The following LEF1 variants were observed in gnomAD, a reference collection of about 807,000 sequenced individuals.
LEF1 encodes the protein lymphoid enhancer binding factor 1.
LEF1 carries 14 observed loss-of-function variants against 51.2 expected under a neutral mutation model. That is an observed-to-expected ratio of 0.27 (90% confidence interval 0.18 to 0.43). The LOEUF is 0.43. Among genes scored for constraint, LEF1 ranks in the 20% least tolerant of loss-of-function variants. The pLI, the probability that LEF1 is intolerant of heterozygous loss-of-function variation, is 1.00. For missense variants in LEF1, 386 were observed against 512.0 expected (o/e 0.75, Z 2.37); for synonymous variants, 185 against 183.2 (o/e 1.01, Z -0.08).
chr4:108,097,165 T>C (rs144534120), intron 3 of LEF1, among the ~76,000 whole-genome samples: 32 of 152,326 alleles, frequency 2.1e-4, no homozygotes, highest in African/African-American at 7.2e-4. Context: ...CTATTCACAA[T>C]AGCTAAGATT....
intron 3 of LEF1, among the ~76,000 whole-genome samples, chr4:108,133,119 A>C (rs1013295830): frequency 6.6e-6 from 1 of 151,998 alleles, no homozygotes; most frequent in Non-Finnish European, 1.5e-5. Flanking sequence ...GATTACAGCC[A>C]CACACCACCA....
chr4:108,092,275 T>C (rs1160331268), intron 3 of LEF1, among the ~76,000 whole-genome samples: 1 of 152,184 alleles, frequency 6.6e-6, no homozygotes, highest in African/African-American at 2.4e-5. Context: ...TACTAGTAGG[T>C]GTGTTAAAGC....
intron 3 of LEF1, among the ~76,000 whole-genome samples, chr4:108,113,863 G>A (rs1014350815): frequency 6.6e-5 from 10 of 152,136 alleles, no homozygotes; most frequent in African/African-American, 1.7e-4. Context: ...AAGAAAAGAC[G>A]GATCCAATTG....
At position 108,048,064 on chromosome 4, in the gene LEF1, A is replaced by C. The variant is rs1736733414; in HGVS notation, c.*694T>G. On this transcript the variant is annotated 3_prime_UTR_variant, in exon 12 of 12. Transcript: ENST00000265165. ...CCAGACAAGCTGTCTCAGAAAAAGA[A>C]GGCTTCTTTTTATGTCATTATTTCA... The C allele has an allele frequency of 6.6e-6, 1 of 152,658 alleles. No individual in the cohort carries two copies. The highest frequency in any genetic ancestry group is 1.5e-5 in the Non-Finnish European group (1 of 68,048). 9.5% of individuals were successfully genotyped at this position (152,658 alleles called of 1,614,324 possible). A position where few individuals can be genotyped will look rare whatever the true frequency, so the allele number is the denominator to read the frequency against.
intron 8 of LEF1, 115 bp downstream of exon 8, chr4:108,078,105 A>G (rs1739034436): frequency 1.1e-6 from 1 of 927,550 alleles, no homozygotes; most frequent in African/African-American, 1.6e-5. Context: ...ATCATATCAT[A>G]TCTTGAAGTG....
In LEF1 at chr4:108,076,787, G is replaced by A. The variant is rs147509596; in HGVS notation, c.1008+1433C>T. Reference sequence around the variant, plus strand: ...AATGATAATGGGGCTTTAGGAGGTCGAGGTGGGTGGATGACTTGAGGTCTG... The same window carrying A: ...AATGATAATGGGGCTTTAGGAGGTCAAGGTGGGTGGATGACTTGAGGTCTG... On this transcript the variant is annotated intron_variant, in intron 8 of 11. Coordinates refer to ENST00000265165, the MANE Select transcript of LEF1 (RefSeq NM_016269.5). Among the ~76,000 whole-genome samples the A allele has an allele frequency of 2.6e-5, 4 of 152,154 alleles. No individual in the cohort carries two copies. The East Asian group carries it at 7.7e-4, about 29-fold the overall frequency.
intron 3 of LEF1, among the ~76,000 whole-genome samples, chr4:108,122,157 TA>T (rs1225571721): frequency 6.6e-6 from 1 of 152,170 alleles, no homozygotes. Context: ...TTTAAGGTGG[TA>T]GGGGGCTCCT....
intron 3 of LEF1, among the ~76,000 whole-genome samples, chr4:108,120,560 A>G (rs1200741472): frequency 6.6e-6 from 1 of 152,208 alleles, no homozygotes; most frequent in Non-Finnish European, 1.5e-5. Context: ...GGTCAGCTGC[A>G]ATGTGGAATC....
intron 3 of LEF1, among the ~76,000 whole-genome samples, chr4:108,146,623 G>T (rs1169239977): frequency 1.3e-5 from 2 of 152,168 alleles, no homozygotes; most frequent in Non-Finnish European, 2.9e-5. Flanking sequence ...TAGGTCCAGA[G>T]GCATTTCAGA....
At chr4:108,081,509 G>A (rs1578319609) in intron 6 of LEF1, 77 bp downstream of exon 6, 4 of 1,190,810 alleles carry the variant, frequency 3.4e-6, no homozygotes, top group African/African-American at 1.5e-5. Flanking sequence ...CAACCAAAAG[G>A]CAAGCAGAGG....
chr4:108,126,722 T>C (rs1484111590), intron 3 of LEF1, among the ~76,000 whole-genome samples: 3 of 150,978 alleles, frequency 2.0e-5, no homozygotes, highest in Non-Finnish European at 2.9e-5. Flanking sequence ...TGAGAATTGC[T>C]TGAACCCGGG....
intron 4 of LEF1, among the ~76,000 whole-genome samples, chr4:108,084,124 T>C (rs1039548363): frequency 6.6e-6 from 1 of 152,248 alleles, no homozygotes; most frequent in Non-Finnish European, 1.5e-5. Flanking sequence ...TGGAGTACAC[T>C]GCCCTGTAAC....
chr4:108,145,597 G>A (rs1477316373), intron 3 of LEF1, among the ~76,000 whole-genome samples: 1 of 152,046 alleles, frequency 6.6e-6, no homozygotes, highest in Non-Finnish European at 1.5e-5. Context: ...TTTCCTCACT[G>A]TACTGATCTA....
intron 8 of LEF1, among the ~76,000 whole-genome samples, chr4:108,074,740 A>C (rs1299418724): frequency 6.6e-6 from 1 of 152,220 alleles, no homozygotes; most frequent in Non-Finnish European, 1.5e-5. Context: ...TCTAAATCAG[A>C]GACAGACAGA....
At chr4:108,088,186 C>T (rs1739773140) in intron 4 of LEF1, among the ~76,000 whole-genome samples, 2 of 152,184 alleles carry the variant, frequency 1.3e-5, no homozygotes, top group Non-Finnish European at 2.9e-5. Context: ...GGAAAGAACA[C>T]CCAGCCTCTA....
chr4:108,092,942 A>AAAAAAAAAAAAACAAC (rs1553952210), intron 3 of LEF1, among the ~76,000 whole-genome samples: 1 of 144,962 alleles, frequency 6.9e-6, no homozygotes, highest in Non-Finnish European at 1.5e-5. Context: ...AAAAAAAAAA[A>AAAAAAAAAAAAACAAC]AAAAAAAGAC....
intron 8 of LEF1, among the ~76,000 whole-genome samples, chr4:108,076,215 G>T: frequency 1.3e-5 from 2 of 152,038 alleles, no homozygotes; most frequent in African/African-American, 2.4e-5. Context: ...TACATTCACA[G>T]TATTTATCAT....
chr4:108,081,225 C>T (rs1739276448), intron 6 of LEF1, among the ~76,000 whole-genome samples: 1 of 152,124 alleles, frequency 6.6e-6, no homozygotes, highest in Non-Finnish European at 1.5e-5. Context: ...CCAGTTTTAT[C>T]CTCCTCCCTT....
At chr4:108,158,919 GA>G (rs1358082220) in intron 3 of LEF1, among the ~76,000 whole-genome samples, 2 of 151,752 alleles carry the variant, frequency 1.3e-5, no homozygotes, top group Non-Finnish European at 2.9e-5. Flanking sequence ...TATGGGAGTG[GA>G]AAAAATACTT....
Sources: gnomAD v4.1 joint callset for allele counts (sites outside exome capture counted in the v4.1 genomes callset) on GRCh38, gnomAD v4.1.1 for gene constraint, MANE v1.5 for transcripts, NCBI Gene and HGNC (gene_info 2026-07-23, HGNC 2026-07-21) for gene names.